The following MMP26 variants were observed in gnomAD, a reference collection of about 807,000 sequenced individuals.
The protein encoded by MMP26 is matrix metalloproteinase-26.
In MMP26, 33 loss-of-function variants were observed where a neutral mutation model predicts 31.0. The observed-to-expected ratio is 1.06, with a 90% confidence interval of 0.81 to 1.42. MMP26 has a LOEUF of 1.42. Ranked by LOEUF, MMP26 falls within the 40% of genes most tolerant of loss-of-function variation. The pLI is 0.00. For synonymous variants in MMP26, 122 were observed against 114.9 expected (o/e 1.06, Z -0.40); for missense variants, 347 against 316.1 (o/e 1.10, Z -0.74).
chr11:4,845,475 A>T (rs1295984104), intron 2 of MMP26, among the ~76,000 whole-genome samples: 1 of 152,092 alleles, frequency 6.6e-6, no homozygotes, highest in Non-Finnish European at 1.5e-5. Context: ...TACTACAGAA[A>T]ACTTTGGGGA....
At chr11:4,742,846 A>G (rs753637861) in intron 1 of MMP26, among the ~76,000 whole-genome samples, 30 of 152,304 alleles carry the variant, frequency 2.0e-4, no homozygotes, top group Middle Eastern at 3.4e-3. Context: ...CAGGCCTGGT[A>G]CTATGTGGTT....
intron 2 of MMP26, among the ~76,000 whole-genome samples, chr11:4,964,505 T>A (rs1327656806): frequency 6.6e-6 from 1 of 152,066 alleles, no homozygotes; most frequent in African/African-American, 2.4e-5. Context: ...TGGAAGACAG[T>A]GTGGTGATTC....
At chr11:4,769,382 G>T (rs753560772) in intron 2 of MMP26, 1 of 1,613,936 alleles carries the variant, frequency 6.2e-7, no homozygotes, top group South Asian at 1.1e-5. Context: ...GTAACAATAG[G>T]AGTGAGAAAG....
At chr11:4,712,244 A>G (rs1847871474) in intron 1 of MMP26, 1 of 152,238 alleles carries the variant, frequency 6.6e-6, no homozygotes, top group African/African-American at 2.4e-5. Flanking sequence ...TGGGGAAGGC[A>G]CAGCCTTCAT....
chr11:4,969,389 A>G (rs1846636567), intron 2 of MMP26, among the ~76,000 whole-genome samples: 1 of 152,030 alleles, frequency 6.6e-6, no homozygotes, highest in Non-Finnish European at 1.5e-5. Context: ...AATATCTATT[A>G]TTAATGAAAC....
At chr11:4,920,307 C>T (rs940696059) in intron 2 of MMP26, among the ~76,000 whole-genome samples, 5 of 152,068 alleles carry the variant, frequency 3.3e-5, no homozygotes, top group African/African-American at 1.2e-4. Context: ...AAGAGTAGGC[C>T]ATCTATAATT....
chr11:4,763,377 C>T (rs1250965482), intron 1 of MMP26, among the ~76,000 whole-genome samples: 2 of 152,060 alleles, frequency 1.3e-5, no homozygotes, highest in Non-Finnish European at 2.9e-5. Flanking sequence ...AGTCATGTTG[C>T]CAGAAGTCTG....
chr11:4,741,994 C>G (rs534128069), intron 1 of MMP26, among the ~76,000 whole-genome samples: 1 of 152,252 alleles, frequency 6.6e-6, no homozygotes, highest in South Asian at 2.1e-4. Context: ...ATACAGAGGA[C>G]AAAACTAGAG....
At chr11:4,923,761 G>C in intron 2 of MMP26, 1 of 1,613,978 alleles carries the variant, frequency 6.2e-7, no homozygotes, top group Non-Finnish European at 8.5e-7. Flanking sequence ...TGACAATGAT[G>C]CTAGAGCAGG....
chr11:4,889,081 C>CA (rs1850581751), intron 2 of MMP26, among the ~76,000 whole-genome samples: 1 of 152,130 alleles, frequency 6.6e-6, no homozygotes, highest in Non-Finnish European at 1.5e-5. Context: ...GTCACATACA[C>CA]ACTTATCAAC....
chr11:4,940,397 T>A (rs949658416), intron 2 of MMP26, among the ~76,000 whole-genome samples: 1 of 152,224 alleles, frequency 6.6e-6, no homozygotes, highest in African/African-American at 2.4e-5. Flanking sequence ...ATTTTTCTTG[T>A]TAATTTAACA....
intron 2 of MMP26, among the ~76,000 whole-genome samples, chr11:4,770,106 A>G (rs1228089979): frequency 6.6e-6 from 1 of 152,258 alleles, no homozygotes; most frequent in Admixed American, 6.5e-5. Flanking sequence ...ACTCATAATC[A>G]GAAATAGTTC....
intron 2 of MMP26, among the ~76,000 whole-genome samples, chr11:4,911,170 C>A (rs1850985918): frequency 6.6e-6 from 1 of 152,132 alleles, no homozygotes; most frequent in Admixed American, 6.5e-5. Context: ...ATATTCTTGA[C>A]AAGAATTATT....
chr11:4,706,060 C>T (rs1008977298), intron 1 of MMP26, among the ~76,000 whole-genome samples: 4 of 151,920 alleles, frequency 2.6e-5, no homozygotes, highest in African/African-American at 9.7e-5. Context: ...TATTACGTTT[C>T]CCTTTGATTG....
At chr11:4,849,324 A>T (rs1849939925) in intron 2 of MMP26, 5 of 1,026,054 alleles carry the variant, frequency 4.9e-6, no homozygotes, top group East Asian at 2.4e-5. Flanking sequence ...CCCTTCCCTG[A>T]CTCATGCACT....
chr11:4,937,376 T>C (rs775513160), intron 2 of MMP26: 2 of 152,242 alleles, frequency 1.3e-5, no homozygotes, highest in Non-Finnish European at 2.9e-5. Flanking sequence ...GGACAAAGTT[T>C]CCCCACAACC....
intron 2 of MMP26, among the ~76,000 whole-genome samples, chr11:4,887,207 A>C (rs1850557116): frequency 6.6e-6 from 1 of 151,884 alleles, no homozygotes; most frequent in Non-Finnish European, 1.5e-5. Context: ...TCTCACTATT[A>C]TATTAAGCTT....
intron 2 of MMP26, among the ~76,000 whole-genome samples, chr11:4,807,936 C>A (rs1265282727): frequency 1.3e-5 from 2 of 151,990 alleles, no homozygotes; most frequent in African/African-American, 4.8e-5. Context: ...TTCTGGGTAG[C>A]TGGAACTACA....
At chr11:4,957,756 G>GCAA (rs1846464333) in intron 2 of MMP26, among the ~76,000 whole-genome samples, 1 of 150,942 alleles carries the variant, frequency 6.6e-6, no homozygotes, top group Admixed American at 6.6e-5. Context: ...TCGCCTCACT[G>GCAA]CAACCTCCAT....
Sources: gnomAD v4.1 joint callset for allele counts (sites outside exome capture counted in the v4.1 genomes callset) on GRCh38, gnomAD v4.1.1 for gene constraint, MANE v1.5 for transcripts, NCBI Gene and HGNC (gene_info 2026-07-23, HGNC 2026-07-21) for gene names.